The following ROBO1 variants were observed in gnomAD, a reference collection of about 807,000 sequenced individuals.
ROBO1 encodes the protein roundabout guidance receptor 1, also known as roundabout homolog 1.
ROBO1 carries 149 observed loss-of-function variants against 195.9 expected under a neutral mutation model. The observed-to-expected ratio is 0.76, with a 90% CI of 0.67 to 0.87. The LOEUF (loss-of-function observed/expected upper bound fraction) is 0.87, where lower values mean the gene tolerates loss of function less well. Among genes scored for constraint, ROBO1 ranks in the 40% least tolerant of loss-of-function variants. The pLI, the probability that ROBO1 is intolerant of heterozygous loss-of-function variation, is 0.00. For missense variants in ROBO1, 1,933 were observed against 2,068.3 expected (o/e 0.93, Z 1.27); for synonymous variants, 816 against 733.2 (o/e 1.11, Z -1.82).
At chr3:79,666,285 A>C (rs2106866843) in intron 1 of ROBO1, among the ~76,000 whole-genome samples, 1 of 152,108 alleles carries the variant, frequency 6.6e-6, no homozygotes, top group Admixed American at 6.6e-5. Flanking sequence ...TAGAGCAATG[A>C]CAGCTAAACA....
chr3:78,649,622 T>C (rs77163009), intron 19 of ROBO1, among the ~76,000 whole-genome samples: 2,747 of 152,292 alleles, frequency 0.018, 75 homozygotes, highest in African/African-American at 0.063. Context: ...GCATTGACTT[T>C]GGTATAGAAA....
chr3:79,271,506 G>T (rs1293112970), intron 2 of ROBO1, among the ~76,000 whole-genome samples: 1 of 151,894 alleles, frequency 6.6e-6, no homozygotes, highest in African/African-American at 2.4e-5. Flanking sequence ...AGCTCATGGT[G>T]GGAAAAACGA....
chr3:79,448,320 T>A lies in ROBO1; in HGVS notation c.88+141504A>T, dbSNP rs1034115162. 2.0e-5 allele frequency among the ~76,000 whole-genome samples: 3 copies of A among 152,324 alleles called. No homozygotes were observed. The East Asian group carries it at 5.8e-4, about 29-fold the overall frequency. ...TTTCTAAACACAAAAGTAATATTCA[T>A]TTATAGCAAGAAGTTTTCTCTAAAC... On this transcript the variant is annotated intron_variant, in intron 2 of 30. Transcript: ENST00000464233.
chr3:79,542,668 G>C (rs750088818), intron 2 of ROBO1, among the ~76,000 whole-genome samples: 1 of 151,992 alleles, frequency 6.6e-6, no homozygotes, highest in Non-Finnish European at 1.5e-5. Context: ...TCAGGAAACT[G>C]GTATTATTTG....
intron 2 of ROBO1, among the ~76,000 whole-genome samples, chr3:79,544,295 G>T: frequency 6.6e-6 from 1 of 151,204 alleles, no homozygotes; most frequent in African/African-American, 2.4e-5. Context: ...TCACATTATG[G>T]TTTTAATTTT....
At position 79,483,196 on chromosome 3, in the gene ROBO1, C is replaced by T. The variant is rs533875947; in HGVS notation, c.88+106628G>A. On this transcript the variant is annotated intron_variant, in intron 2 of 30. Coordinates refer to ENST00000464233, the MANE Select transcript of ROBO1 (RefSeq NM_002941.4). ...TAACTTCTAACACAGACAACAAAGA[C>T]CCCATCCAGAGACATTGTGAAAAAT... 4.6e-5 allele frequency among the ~76,000 whole-genome samples: 7 copies of T among 152,258 alleles called. No individual in the cohort carries two copies. The East Asian group carries it at 1.4e-3, about 29-fold the overall frequency.
chr3:78,914,294 G>C (rs2038425499), intron 4 of ROBO1, among the ~76,000 whole-genome samples: 1 of 152,094 alleles, frequency 6.6e-6, no homozygotes, highest in Non-Finnish European at 1.5e-5. Context: ...GAAATAGACA[G>C]TATACGAGTT....
chr3:79,207,568 T>C (rs2081892615), intron 2 of ROBO1, among the ~76,000 whole-genome samples: 1 of 152,162 alleles, frequency 6.6e-6, no homozygotes, highest in Non-Finnish European at 1.5e-5. Flanking sequence ...TAGTGAGAGC[T>C]TGATTTTTAG....
At chr3:79,632,196 C>A (rs946592940) in intron 1 of ROBO1, among the ~76,000 whole-genome samples, 15 of 152,184 alleles carry the variant, frequency 9.9e-5, no homozygotes, top group Admixed American at 9.2e-4. Flanking sequence ...GTTTTTGTAG[C>A]ACTATTTACA....
intron 3 of ROBO1, among the ~76,000 whole-genome samples, chr3:78,980,639 G>C (rs995927779): frequency 5.9e-5 from 9 of 152,102 alleles, no homozygotes; most frequent in Non-Finnish European, 1.2e-4. Context: ...AGTGTTTGTA[G>C]CATAGGAAAC....
intron 2 of ROBO1, among the ~76,000 whole-genome samples, chr3:79,158,989 T>C (rs574469071): frequency 1.3e-5 from 2 of 151,946 alleles, no homozygotes; most frequent in East Asian, 3.9e-4. Flanking sequence ...GATAAGATAT[T>C]AATGCATGAC....
chr3:79,712,897 A>AT (rs1441703049), intron 1 of ROBO1, among the ~76,000 whole-genome samples: 19 of 152,106 alleles, frequency 1.2e-4, no homozygotes, highest in African/African-American at 4.6e-4. Flanking sequence ...AGCCTAGGTG[A>AT]TAGTACACCT....
intron 3 of ROBO1, among the ~76,000 whole-genome samples, chr3:79,098,252 A>G (rs771106468): frequency 2.6e-5 from 4 of 151,740 alleles, no homozygotes; most frequent in Non-Finnish European, 5.9e-5. Flanking sequence ...CTTTGTCCTT[A>G]TGTTTAACTG....
chr3:79,518,255 C>T (rs1031500441), intron 2 of ROBO1, among the ~76,000 whole-genome samples: 1 of 151,784 alleles, frequency 6.6e-6, no homozygotes, highest in East Asian at 1.9e-4. Context: ...AGTAGATACT[C>T]AGATTTGGGA....
chr3:79,326,294 C>T (rs185751961), intron 2 of ROBO1, among the ~76,000 whole-genome samples: 51 of 152,200 alleles, frequency 3.4e-4, no homozygotes, highest in Non-Finnish European at 5.9e-4. Flanking sequence ...GACCCACACC[C>T]TGTTCGTACA....
At chr3:79,485,222 A>T (rs1939095997) in intron 2 of ROBO1, among the ~76,000 whole-genome samples, 1 of 152,196 alleles carries the variant, frequency 6.6e-6, no homozygotes, top group Admixed American at 6.5e-5. Flanking sequence ...TTTGGATAAA[A>T]TAAGACATTT....
rs749520016 is a variant in ROBO1 at position 79,009,107 on chromosome 3, AT to A, written c.173-70181del. ...AGGTGCCCACCACAACGCCCAGCTA[AT>A]TTTTTTTTTTTTTTTTTTTTTTTTT... On this transcript the variant is annotated intron_variant, in intron 3 of 30. Coordinates refer to ENST00000464233, the MANE Select transcript of ROBO1 (RefSeq NM_002941.4). Among the ~76,000 whole-genome samples the A allele has an allele frequency of 6.4e-3, 743 of 115,374 alleles. 9 individuals are homozygous for A. The highest frequency in any genetic ancestry group is 0.021 in the African/African-American group (584 of 28,188). The allele number at this position is 115,374 out of a possible 152,430, so 75.7% of individuals were successfully genotyped here. A position where few individuals can be genotyped will look rare whatever the true frequency, so the allele number is the denominator to read the frequency against.
At chr3:78,700,374 G>A in intron 8 of ROBO1, among the ~76,000 whole-genome samples, 1 of 152,130 alleles carries the variant, frequency 6.6e-6, no homozygotes, top group Non-Finnish European at 1.5e-5. Context: ...TCAAGAATTG[G>A]TTTATCTGAA....
intron 2 of ROBO1, among the ~76,000 whole-genome samples, chr3:79,514,571 G>T (rs1266219406): frequency 1.3e-5 from 2 of 151,956 alleles, no homozygotes; most frequent in East Asian, 3.9e-4. Flanking sequence ...TCTATATTAG[G>T]GTTTGAAGAC....
Sources: gnomAD v4.1 joint callset for allele counts (sites outside exome capture counted in the v4.1 genomes callset) on GRCh38, gnomAD v4.1.1 for gene constraint, MANE v1.5 for transcripts, NCBI Gene and HGNC (gene_info 2026-07-23, HGNC 2026-07-21) for gene names.